The following FMN2 variants were observed in gnomAD, a reference collection of about 807,000 sequenced individuals.
FMN2 encodes the protein formin-2.
A neutral mutation model predicts 142.3 loss-of-function variants in FMN2; 51 were observed. The observed-to-expected ratio is 0.36, with a 90% CI of 0.29 to 0.45. The LOEUF is 0.45. Ranked by LOEUF, FMN2 falls within the 20% of genes least tolerant of loss-of-function variation. The pLI, the probability that FMN2 is intolerant of heterozygous loss-of-function variation, is 1.00. For missense variants in FMN2, 1,936 were observed against 2,122.8 expected, an observed-to-expected ratio of 0.91 and a Z score of 1.73; for synonymous variants, 882 against 869.8, an observed-to-expected ratio of 1.01 and a Z score of -0.25.
chr1:240,121,710 C>T (rs1425084194), intron 1 of FMN2, among the ~76,000 whole-genome samples: 3 of 115,586 alleles, frequency 2.6e-5, no homozygotes, highest in Non-Finnish European at 4.9e-5. Context: ...TATTATGCCT[C>T]TCTTGCCTTT....
At chr1:240,346,025 T>C (rs2103034309) in intron 13 of FMN2, among the ~76,000 whole-genome samples, 1 of 152,242 alleles carries the variant, frequency 6.6e-6, no homozygotes, top group Non-Finnish European at 1.5e-5. Flanking sequence ...GCATTAAAAA[T>C]GGGTAAATCT....
At chr1:240,132,559 A>G (rs922644696) in intron 2 of FMN2, among the ~76,000 whole-genome samples, 2 of 152,142 alleles carry the variant, frequency 1.3e-5, no homozygotes, top group Non-Finnish European at 2.9e-5. Flanking sequence ...CTGGGACTTA[A>G]TGTCCCATAG....
chr1:240,129,028 G>A (rs1389052488), intron 2 of FMN2, among the ~76,000 whole-genome samples: 8 of 151,860 alleles, frequency 5.3e-5, no homozygotes, highest in East Asian at 2.0e-4. Context: ...CAGGCACCAC[G>A]ACGCCGAGCT....
intron 16 of FMN2, among the ~76,000 whole-genome samples, chr1:240,442,335 C>T (rs1675650634): frequency 6.6e-6 from 1 of 152,158 alleles, no homozygotes; most frequent in African/African-American, 2.4e-5. Flanking sequence ...GAATTGTGTC[C>T]ATCTCTGGAT....
intron 5 of FMN2, among the ~76,000 whole-genome samples, chr1:240,209,801 G>A (rs989893360): frequency 6.6e-6 from 1 of 151,784 alleles, no homozygotes; most frequent in Non-Finnish European, 1.5e-5. Flanking sequence ...CTACTCGGGA[G>A]GCTGAGGCAG....
chr1:240,172,403 T>C (rs2103313043), intron 2 of FMN2, among the ~76,000 whole-genome samples: 1 of 152,312 alleles, frequency 6.6e-6, no homozygotes, highest in South Asian at 2.1e-4. Flanking sequence ...GAGATAATGA[T>C]TTTCAATTCC....
intron 14 of FMN2, among the ~76,000 whole-genome samples, chr1:240,387,943 C>T (rs988209820): frequency 4.0e-5 from 6 of 151,796 alleles, no homozygotes; most frequent in African/African-American, 1.5e-4. Flanking sequence ...TTTGGGAGGC[C>T]GAGGCGGGTG....
chr1:240,232,249 CTTTTTTTTTT>C (rs77988184), intron 6 of FMN2, among the ~76,000 whole-genome samples: 1 of 99,540 alleles, frequency 1.0e-5, no homozygotes, highest in Non-Finnish European at 2.0e-5. Flanking sequence ...CCCAGCTAAT[CTTTTTTTTTT>C]TTTTTTTTTT....
chr1:240,335,731 A>C (rs1671531620), intron 13 of FMN2, among the ~76,000 whole-genome samples: 1 of 152,168 alleles, frequency 6.6e-6, no homozygotes, highest in Non-Finnish European at 1.5e-5. Flanking sequence ...TCTTATGATA[A>C]ATACACAACT....
chr1:240,329,026 G>A, intron 8 of FMN2, 50 bp from the exon 9 acceptor site: 1 of 1,467,158 alleles, frequency 6.8e-7, no homozygotes, highest in South Asian at 1.2e-5. Flanking sequence ...ATTATCTAAG[G>A]GATTCAGTTG....
chr1:240,143,025 G>A, intron 2 of FMN2: 1 of 1,501,936 alleles, frequency 6.7e-7, no homozygotes, highest in Non-Finnish European at 9.2e-7. Context: ...CATGGCCACT[G>A]GACTCATAAG....
At chr1:240,110,528 A>AT (rs1350355090) in intron 1 of FMN2, among the ~76,000 whole-genome samples, 1 of 152,344 alleles carries the variant, frequency 6.6e-6, no homozygotes, top group East Asian at 1.9e-4. Flanking sequence ...CTGATGGTGA[A>AT]TAAAAACTTA....
At position 240,208,724 on chromosome 1, in the gene FMN2, T is replaced by C; in HGVS notation, c.3912T>C (p.His1304=). The C allele has an allele frequency of 6.2e-7, 1 of 1,605,334 alleles. No homozygotes were observed. The highest frequency in any genetic ancestry group is 8.5e-7 in the Non-Finnish European group (1 of 1,173,156). ...TTTACTGGACCAGGATTCAACTACA[T>C]AGTAAAAGGTAACATGAAAGTGAGC... is the stretch of plus-strand genomic sequence containing the variant. ...KPLYWTRIQL[H]SKRDSSTSLI... is the part of the protein sequence containing the mutation. Residue 1304 remains histidine (H), a synonymous_variant, in exon 5 of 18, where the codon CAT becomes CAC. Coordinates refer to ENST00000319653, the MANE Select transcript of FMN2 (RefSeq NM_020066.5).
chr1:240,362,408 T>C (rs543683273), intron 14 of FMN2, among the ~76,000 whole-genome samples: 1 of 152,262 alleles, frequency 6.6e-6, no homozygotes, highest in South Asian at 2.1e-4. Context: ...AATTTTCTAT[T>C]TTTTTAATAG....
intron 14 of FMN2, among the ~76,000 whole-genome samples, chr1:240,387,656 G>A (rs1673449846): frequency 2.0e-5 from 3 of 152,162 alleles, no homozygotes; most frequent in Non-Finnish European, 4.4e-5. Context: ...CTCTGTTGCT[G>A]TAAAGAGGCA....
chr1:240,128,993 C>T (rs528961312), intron 2 of FMN2, among the ~76,000 whole-genome samples: 1 of 152,140 alleles, frequency 6.6e-6, no homozygotes, highest in Non-Finnish European at 1.5e-5. Flanking sequence ...CCTGCCTCAG[C>T]CTCCTAAGTA....
At position 240,377,903 on chromosome 1, in the gene FMN2, T is replaced by C. The variant is rs532251510; in HGVS notation, c.4859-14608T>C. ...TATTATATTCCCATGTAATATAACA[T>C]ATTCATAGCTGGGGATTGGGACATG... On this transcript the variant is annotated intron_variant, in intron 14 of 17. Transcript: ENST00000319653. Among the ~76,000 whole-genome samples the C allele has an allele frequency of 2.0e-5, 3 of 152,200 alleles. No individual in the cohort carries two copies. In the South Asian group the frequency reaches 6.2e-4, roughly 32 times the overall value.
intron 8 of FMN2, among the ~76,000 whole-genome samples, chr1:240,323,810 C>T (rs1671061481): frequency 6.6e-6 from 1 of 152,128 alleles, no homozygotes; most frequent in African/African-American, 2.4e-5. Context: ...AGGTGAGCCT[C>T]CCCCAGGATC....
chr1:240,206,768 A>T, intron 4 of FMN2, 31 bp from the exon 5 acceptor site: 3 of 1,573,688 alleles, frequency 1.9e-6, no homozygotes, highest in Non-Finnish European at 2.6e-6. Flanking sequence ...TTATTTCATA[A>T]CTAACTGTGT....
Sources: gnomAD v4.1 joint callset for allele counts (sites outside exome capture counted in the v4.1 genomes callset) on GRCh38, gnomAD v4.1.1 for gene constraint, MANE v1.5 for transcripts, NCBI Gene and HGNC (gene_info 2026-07-23, HGNC 2026-07-21) for gene names.